The following ADGRB3 variants were observed in gnomAD, a reference collection of about 807,000 sequenced individuals.
ADGRB3 encodes adhesion G protein-coupled receptor B3, also known as brain-specific angiogenesis inhibitor 3.
In ADGRB3, 37 loss-of-function variants were observed where a neutral mutation model predicts 193.4. The ratio of observed to expected loss-of-function variants is 0.19; its 90% CI spans 0.15 to 0.25. ADGRB3 has a LOEUF of 0.25. Ranked by LOEUF, ADGRB3 falls within the 10% of genes least tolerant of loss-of-function variation. ADGRB3 has a pLI of 1.00. For missense variants in ADGRB3, 1,637 were observed against 1,852.9 expected, an observed-to-expected ratio of 0.88 and a Z score of 2.14; for synonymous variants, 690 against 644.2, an observed-to-expected ratio of 1.07 and a Z score of -1.08.
intron 3 of ADGRB3, among the ~76,000 whole-genome samples, chr6:68,882,468 C>G (rs1432743160): frequency 6.6e-6 from 1 of 152,076 alleles, no homozygotes; most frequent in East Asian, 1.9e-4. Context: ...ATTGAGCATA[C>G]AATGAAATGA....
At chr6:69,143,781 A>G (rs1561932889) in intron 17 of ADGRB3, among the ~76,000 whole-genome samples, 1 of 152,072 alleles carries the variant, frequency 6.6e-6, no homozygotes, top group Non-Finnish European at 1.5e-5. Context: ...TTTGGTTACT[A>G]TAGCTCCGTA....
chr6:69,005,927 C>A (rs1413973975), intron 11 of ADGRB3, among the ~76,000 whole-genome samples: 1 of 152,156 alleles, frequency 6.6e-6, no homozygotes, highest in Non-Finnish European at 1.5e-5. Flanking sequence ...TTCTGCCTTT[C>A]TGAATCCTTG....
chr6:68,749,380 T>G (rs939875993), intron 3 of ADGRB3, among the ~76,000 whole-genome samples: 11 of 150,274 alleles, frequency 7.3e-5, no homozygotes, highest in Admixed American at 6.7e-4. Context: ...AGTTAATACT[T>G]AATAAACTCC....
At chr6:69,226,780 C>T (rs1428571427) in intron 17 of ADGRB3, among the ~76,000 whole-genome samples, 1 of 152,214 alleles carries the variant, frequency 6.6e-6, no homozygotes, top group African/African-American at 2.4e-5. Context: ...TGGTTAATTG[C>T]GTATAACCTC....
rs532650223 is a variant in ADGRB3 at position 68,842,712 on chromosome 6, C to CA, written c.758-87839dup. On this transcript the variant is annotated intron_variant, in intron 3 of 31. Transcript: ENST00000370598. ...ATACCAAAGCCAGGCAAAGACATAT[C>CA]AAAAAAAAGAAAACTACAGACCAAT... is the stretch of plus-strand genomic sequence containing the variant. 5.2e-4 allele frequency among the ~76,000 whole-genome samples: 78 copies of CA among 151,386 alleles called. 2 individuals carry two copies. The East Asian group carries it at 0.012, about 23-fold the overall frequency.
At chr6:69,375,346 A>C (rs954311825) in intron 30 of ADGRB3, among the ~76,000 whole-genome samples, 2 of 152,074 alleles carry the variant, frequency 1.3e-5, no homozygotes, top group African/African-American at 4.8e-5. Flanking sequence ...TGGCTAGTAT[A>C]GTAGGTAATG....
At chr6:68,973,969 T>C (rs1431416721) in intron 8 of ADGRB3, among the ~76,000 whole-genome samples, 1 of 152,242 alleles carries the variant, frequency 6.6e-6, no homozygotes, top group Non-Finnish European at 1.5e-5. Flanking sequence ...AATAATTAAA[T>C]TGAAATTTTG....
At chr6:69,172,561 G>A (rs1442476321) in intron 17 of ADGRB3, among the ~76,000 whole-genome samples, 1 of 142,192 alleles carries the variant, frequency 7.0e-6, no homozygotes. Flanking sequence ...GAAGAATGGC[G>A]TGAACCTGGG....
chr6:68,827,135 G>C (rs563585019), intron 3 of ADGRB3, among the ~76,000 whole-genome samples: 5 of 152,108 alleles, frequency 3.3e-5, no homozygotes, highest in African/African-American at 1.2e-4. Flanking sequence ...TCTATATTGC[G>C]AGATTTGGGA....
At chr6:68,650,449 C>G (rs1049461766) in intron 3 of ADGRB3, among the ~76,000 whole-genome samples, 3 of 151,974 alleles carry the variant, frequency 2.0e-5, no homozygotes, top group Non-Finnish European at 4.4e-5. Flanking sequence ...AACATTTGCA[C>G]TGCCCTAGAT....
chr6:68,965,224 C>T (rs772300052), intron 8 of ADGRB3, among the ~76,000 whole-genome samples: 4 of 152,166 alleles, frequency 2.6e-5, no homozygotes, highest in Non-Finnish European at 5.9e-5. Flanking sequence ...ATGAAACACA[C>T]TTCATAAACA....
chr6:69,131,712 G>T (rs1263459526), intron 17 of ADGRB3, among the ~76,000 whole-genome samples: 1 of 151,822 alleles, frequency 6.6e-6, no homozygotes, highest in Admixed American at 6.6e-5. Context: ...ATGCCATGGT[G>T]GTTTGCTACA....
intron 3 of ADGRB3, among the ~76,000 whole-genome samples, chr6:68,909,596 C>G (rs1164205161): frequency 6.6e-6 from 1 of 152,176 alleles, no homozygotes; most frequent in African/African-American, 2.4e-5. Context: ...AAAATGTTGA[C>G]AGACCTCTCT....
chr6:68,711,211 A>G lies in ADGRB3; in HGVS notation c.757+71779A>G, dbSNP rs537220706. ...AAGACCTTATTTCTTTTCTCCTACC[A>G]AGAGCGTGACCTGCTTGATTTTTCT... On this transcript the variant is annotated intron_variant, in intron 3 of 31. Transcript: ENST00000370598. Among the ~76,000 whole-genome samples, 4 of 152,066 alleles carry G rather than the reference A, an allele frequency of 2.6e-5. No individual in the cohort carries two copies. In the East Asian group the frequency reaches 7.8e-4, roughly 30 times the overall value.
At chr6:69,086,090 A>G (rs907000280) in intron 17 of ADGRB3, among the ~76,000 whole-genome samples, 1 of 152,104 alleles carries the variant, frequency 6.6e-6, no homozygotes, top group African/African-American at 2.4e-5. Flanking sequence ...TTTAAAATTT[A>G]TATTTGGAGT....
intron 12 of ADGRB3, among the ~76,000 whole-genome samples, chr6:69,016,340 A>G (rs1401041508): frequency 6.6e-6 from 1 of 151,988 alleles, no homozygotes; most frequent in Admixed American, 6.6e-5. Flanking sequence ...TTTAATAATC[A>G]GTAAACCAGA....
intron 16 of ADGRB3, among the ~76,000 whole-genome samples, chr6:69,075,259 A>G (rs558620588): frequency 3.3e-4 from 50 of 152,334 alleles, no homozygotes; most frequent in African/African-American, 1.2e-3. Context: ...TTTAATGGAT[A>G]AGAGAAGACT....
intron 17 of ADGRB3, among the ~76,000 whole-genome samples, chr6:69,153,113 A>G (rs1316414364): frequency 6.6e-6 from 1 of 152,110 alleles, no homozygotes; most frequent in Non-Finnish European, 1.5e-5. Context: ...AAAATGTAGG[A>G]AACCTATGAA....
rs184971710 is a variant in ADGRB3, at chr6:69,273,666, C to T, written c.2814+34440C>T. 7.9e-5 allele frequency among the ~76,000 whole-genome samples: 12 copies of T among 152,304 alleles called. No homozygotes were observed. In the East Asian group the frequency reaches 1.9e-3, roughly 24 times the overall value. On this transcript the variant is annotated intron_variant, in intron 20 of 31. Transcript: ENST00000370598. ...TGCTAAACACTTAATGATGTAGCAGCTTTCAAGTTTCTTTGTGTGCCTCCG... is the reference window on the plus strand; with the variant it reads ...TGCTAAACACTTAATGATGTAGCAGTTTTCAAGTTTCTTTGTGTGCCTCCG...
Sources: allele counts gnomAD v4.1 joint callset (sites outside exome capture counted in the v4.1 genomes callset), GRCh38; gene constraint gnomAD v4.1.1; transcripts MANE v1.5; gene names NCBI Gene and HGNC (gene_info 2026-07-23, HGNC 2026-07-21).